Variants in PTPRM observed in about 807,000 individuals in gnomAD.
The protein encoded by PTPRM is protein tyrosine phosphatase receptor type M.
PTPRM carries 47 observed loss-of-function variants against 186.7 expected under a neutral mutation model. The observed-to-expected ratio is 0.25, with a 90% CI of 0.20 to 0.32. The LOEUF (loss-of-function observed/expected upper bound fraction) is 0.32. Among genes scored for constraint, PTPRM ranks in the 10% least tolerant of loss-of-function variants. The pLI is 1.00. For missense variants in PTPRM, 1,494 were observed against 1,865.0 expected (o/e 0.80, Z 3.66); for synonymous variants, 668 against 674.9 (o/e 0.99, Z 0.16).
At position 7,821,290 on chromosome 18, in the gene PTPRM, G is replaced by A. The variant is rs545525430; in HGVS notation, c.196+47019G>A. 3.9e-4 allele frequency among the ~76,000 whole-genome samples: 59 copies of A among 152,266 alleles called. 1 individual carries two copies. Among genetic ancestry groups the A allele is most frequent in the Admixed American group, 3.8e-3 (58 of 15,296 alleles). On this transcript the variant is annotated intron_variant, in intron 2 of 32. Transcript: ENST00000580170. Reference sequence around the variant, plus strand: ...AACAGTCTCATCCAAGGTGGGCTGTGCCATGCAGGGACAGTTGCTTTTCAG... The same window carrying A: ...AACAGTCTCATCCAAGGTGGGCTGTACCATGCAGGGACAGTTGCTTTTCAG...
intron 14 of PTPRM, among the ~76,000 whole-genome samples, chr18:8,158,549 G>T (rs572967742): frequency 6.6e-6 from 1 of 152,096 alleles, no homozygotes; most frequent in Non-Finnish European, 1.5e-5. Context: ...AGAAATATAT[G>T]CATTAAGAAA....
At chr18:8,388,941 A>G (rs920956338) in intron 31 of PTPRM, among the ~76,000 whole-genome samples, 3 of 152,108 alleles carry the variant, frequency 2.0e-5, no homozygotes, top group Non-Finnish European at 2.9e-5. Context: ...AGCCTGGGGG[A>G]CAGAGCGAGA....
chr18:8,352,633 T>TTTTTTTTTTTTTTTTTTC (rs2095540506), intron 23 of PTPRM, among the ~76,000 whole-genome samples: 1 of 7,384 alleles, frequency 1.4e-4, no homozygotes, highest in Non-Finnish European at 3.2e-3. Flanking sequence ...TTTTCTTTTC[T>TTTTTTTTTTTTTTTTTTC]TTTTTTTTTT....
chr18:8,339,084 A>G (rs182187770), intron 22 of PTPRM, among the ~76,000 whole-genome samples: 1 of 152,250 alleles, frequency 6.6e-6, no homozygotes, highest in East Asian at 1.9e-4. Flanking sequence ...CTCACTTCCC[A>G]TGAACTAGAG....
In PTPRM at chr18:8,211,496, C is replaced by T. The variant is rs183432187; in HGVS notation, c.2301-32562C>T. Among the ~76,000 whole-genome samples, 6 of 147,992 alleles carry T rather than the reference C, an allele frequency of 4.1e-5. No homozygotes were observed. The East Asian group carries it at 6.0e-4, about 15-fold the overall frequency. ...TCGGCTCACTGCAACCTCCACCTTC[C>T]GGTTTCAAGTGATTCTCCTACCTCA... On this transcript the variant is annotated intron_variant, in intron 14 of 32. Transcript: ENST00000580170.
At chr18:7,885,484 G>A (rs2048738143) in intron 2 of PTPRM, among the ~76,000 whole-genome samples, 1 of 152,146 alleles carries the variant, frequency 6.6e-6, no homozygotes, top group Non-Finnish European at 1.5e-5. Context: ...CTTTATTTGA[G>A]AGGACAGTTG....
intron 14 of PTPRM, among the ~76,000 whole-genome samples, chr18:8,218,354 A>G (rs2094114286): frequency 6.7e-6 from 1 of 148,996 alleles, no homozygotes; most frequent in Non-Finnish European, 1.5e-5. Context: ...GTTTTGTCAA[A>G]CAAATTTAGA....
intron 17 of PTPRM, chr18:8,248,483 A>T: frequency 2.2e-6 from 1 of 453,094 alleles, no homozygotes; most frequent in South Asian, 2.1e-5. Context: ...ATCCCAGGGG[A>T]AAAAAACAAG....
chr18:7,791,398 T>C (rs2043338540), intron 2 of PTPRM, among the ~76,000 whole-genome samples: 1 of 152,220 alleles, frequency 6.6e-6, no homozygotes, highest in African/African-American at 2.4e-5. Flanking sequence ...TTATTTCCCA[T>C]TCACATTATA....
At chr18:7,716,055 C>A (rs1319694406) in intron 1 of PTPRM, among the ~76,000 whole-genome samples, 1 of 152,164 alleles carries the variant, frequency 6.6e-6, no homozygotes, top group Non-Finnish European at 1.5e-5. Context: ...ATAGTCAAGA[C>A]AATCTTAAGC....
At chr18:8,086,409 GA>G (rs2090438229) in intron 10 of PTPRM, among the ~76,000 whole-genome samples, 1 of 152,122 alleles carries the variant, frequency 6.6e-6, no homozygotes, top group Non-Finnish European at 1.5e-5. Flanking sequence ...CGTAATTTGA[GA>G]AATATTTCTA....
intron 5 of PTPRM, among the ~76,000 whole-genome samples, chr18:7,939,494 A>G (rs1218295588): frequency 6.6e-6 from 1 of 152,212 alleles, no homozygotes; most frequent in Non-Finnish European, 1.5e-5. Context: ...AGAAGGTTGT[A>G]AGTCTAATTT....
chr18:8,392,451 C>T (rs191337037), intron 31 of PTPRM, among the ~76,000 whole-genome samples: 219 of 152,096 alleles, frequency 1.4e-3, no homozygotes, highest in Middle Eastern at 6.8e-3. Flanking sequence ...GGTGAAACCC[C>T]ATCTCTACTA....
chr18:8,364,409 T>C lies in PTPRM; in HGVS notation c.3055-6481T>C, dbSNP rs899234610. 2.6e-5 allele frequency among the ~76,000 whole-genome samples: 4 copies of C among 152,170 alleles called. No individual in the cohort carries two copies. In the East Asian group the frequency reaches 5.8e-4, roughly 22 times the overall value. On this transcript the variant is annotated intron_variant, in intron 23 of 32. Transcript: ENST00000580170. ...ACAAGGTAGATGGAAAAAAAATCCA[T>C]GTGCATCTTACTCCATCACACTGAG...
chr18:8,213,073 C>T (rs1025965616), intron 14 of PTPRM, among the ~76,000 whole-genome samples: 1 of 152,210 alleles, frequency 6.6e-6, no homozygotes, highest in African/African-American at 2.4e-5. Flanking sequence ...AATGATGTGA[C>T]GGACAGAGCT....
intron 1 of PTPRM, among the ~76,000 whole-genome samples, chr18:7,729,029 G>A (rs912919869): frequency 1.3e-5 from 2 of 150,836 alleles, no homozygotes; most frequent in Admixed American, 6.7e-5. Context: ...TCCTGCCTCA[G>A]CCTCCTGAGT....
chr18:7,638,585 G>A (rs16952271), intron 1 of PTPRM, among the ~76,000 whole-genome samples: 2,148 of 152,256 alleles, frequency 0.014, 26 homozygotes, highest in Admixed American at 0.02. Flanking sequence ...TTTAATGGTT[G>A]AAACTGTTAT....
chr18:7,995,705 A>G (rs2083496386), intron 7 of PTPRM: 1 of 152,204 alleles, frequency 6.6e-6, no homozygotes, highest in African/African-American at 2.4e-5. Flanking sequence ...GTGTTGCTTC[A>G]CTGCACCTGC....
intron 20 of PTPRM, among the ~76,000 whole-genome samples, chr18:8,312,036 C>T (rs1448372491): frequency 6.6e-6 from 1 of 152,130 alleles, no homozygotes; most frequent in African/African-American, 2.4e-5. Flanking sequence ...CGGTCGGTTG[C>T]CTGCCTTTTG....
Sources: allele counts gnomAD v4.1 joint callset (sites outside exome capture counted in the v4.1 genomes callset), GRCh38; gene constraint gnomAD v4.1.1; transcripts MANE v1.5; gene names NCBI Gene and HGNC (gene_info 2026-07-23, HGNC 2026-07-21).